The following FCRL3 variants were observed in gnomAD, a reference collection of about 807,000 sequenced individuals.
FCRL3 encodes Fc receptor-like protein 3.
In FCRL3, 89 loss-of-function variants were observed where a neutral mutation model predicts 75.0. That is an observed-to-expected ratio of 1.19 (90% CI 1.00 to 1.42). The LOEUF is 1.42. FCRL3 is among the 40% of genes most tolerant of loss of function. FCRL3 has a pLI of 0.00. For synonymous variants in FCRL3, 376 were observed against 348.5 expected, an observed-to-expected ratio of 1.08 and a Z score of -0.88; for missense variants, 946 against 880.0, an observed-to-expected ratio of 1.07 and a Z score of -0.95.
At chr1:157,681,224 T>A (rs1054642006) in intron 11 of FCRL3, 125 bp from the exon 12 acceptor site, 7 of 507,836 alleles carry the variant, frequency 1.4e-5, no homozygotes, top group African/African-American at 2.0e-5. Flanking sequence ...TGTCTGCTTC[T>A]GCTTGGGTCT....
At chr1:157,686,260 A>C (rs1655170740) in intron 10 of FCRL3, among the ~76,000 whole-genome samples, 1 of 90,220 alleles carries the variant, frequency 1.1e-5, no homozygotes, top group African/African-American at 8.8e-5. Flanking sequence ...CTCTGCGAGA[A>C]ATTAAAAAAA....
chr1:157,689,714 T>G, intron 10 of FCRL3, 84 bp downstream of exon 10: 1 of 1,566,664 alleles, frequency 6.4e-7, no homozygotes, highest in East Asian at 2.3e-5. Context: ...AGGGAATACT[T>G]GACCTTTATA....
Position 157,681,044 on chromosome 1 carries a change from G to A in FCRL3, c.1894C>T (p.Pro632Ser). The A allele has an allele frequency of 6.2e-7, 1 of 1,606,192 alleles. No individual in the cohort carries two copies. The highest frequency in any genetic ancestry group is 8.5e-7 in the Non-Finnish European group (1 of 1,177,558). The change falls in exon 12 of 15, where the codon CCT (proline) becomes TCT (serine). Residue 632 changes from proline (P) to serine (S), a missense_variant. Transcript: ENST00000368184. ...PSSSRPSRID[P>S]QEPTHSKPLA... ...GGTTTAGAGTGAGTGGGCTCTTGAG[G>A]GTCTATCCTGGAAGGCCTGGACGAG...
chr1:157,681,159 G>A, intron 11 of FCRL3, 60 bp from the exon 12 acceptor site: 1 of 1,185,322 alleles, frequency 8.4e-7, no homozygotes, highest in Middle Eastern at 2.1e-4. Flanking sequence ...AGAATTTCAG[G>A]GAAATCAATA....
Position 157,690,244 on chromosome 1 carries a change from T to G in FCRL3, c.1690+11A>C. 1 of 1,613,578 alleles carries G rather than the reference T, an allele frequency of 6.2e-7. No homozygotes were observed. The highest frequency in any genetic ancestry group is 8.5e-7 in the Non-Finnish European group (1 of 1,179,534). On this transcript the variant is annotated intron_variant, in intron 9 of 14. Transcript: ENST00000368184. Reference sequence around the variant, plus strand: ...TAACTGTGACCTCTAGCCCAGGTACTATTAACACACCTGTAACATTGAGTG... The same window carrying G: ...TAACTGTGACCTCTAGCCCAGGTACGATTAACACACCTGTAACATTGAGTG...
At chr1:157,681,971 A>G (rs2101589913) in intron 11 of FCRL3, among the ~76,000 whole-genome samples, 1 of 151,466 alleles carries the variant, frequency 6.6e-6, no homozygotes, top group South Asian at 2.1e-4. Flanking sequence ...TGTGGTTTTG[A>G]TTTGCATTTC....
Position 157,677,318 on chromosome 1 carries a change from A to C in FCRL3, c.*1392T>G. The C allele has an allele frequency of 1.0e-6, 1 of 987,752 alleles. No individual in the cohort carries two copies. The highest frequency in any genetic ancestry group is 1.2e-6 in the Non-Finnish European group (1 of 831,296). The allele number at this position is 987,752 out of a possible 1,614,324, so 61.2% of individuals were successfully genotyped here. ...AAATGGTGATTGTTTGAATGCATGT[A>C]AGACATTCCCTAGGGACTCCAAGAA... On this transcript the variant is annotated 3_prime_UTR_variant, in exon 15 of 15. Transcript: ENST00000368184.
chr1:157,681,513 A>G (rs994429666), intron 11 of FCRL3, among the ~76,000 whole-genome samples: 1 of 150,302 alleles, frequency 6.7e-6, no homozygotes, highest in African/African-American at 2.4e-5. Context: ...TGTTCTTGCG[A>G]TAGTTTGCTG....
In FCRL3 at chr1:157,699,707, C is replaced by A. The variant is rs772197794; in HGVS notation, c.37G>T (p.Gly13Ter). 1 of 1,613,436 alleles carries A rather than the reference C, an allele frequency of 6.2e-7. No individual in the cohort carries two copies. The highest frequency in any genetic ancestry group is 8.5e-7 in the Non-Finnish European group (1 of 1,179,760). Residue 13 changes from glycine to a stop codon, truncating the protein, a stop_gained, in exon 3 of 15, where the codon GGA becomes TGA. Coordinates refer to ENST00000368184, the MANE Select transcript of FCRL3 (RefSeq NM_052939.4). LOFTEE classifies it high-confidence loss of function. ...AGAAACTTACCTGATTGTTCTCTTC[C>A]AGGAGCTGTGAGGGAGCAGAAAATG... ...LWLLLLILTP[G>*]REQSGVAPKA... is the part of the protein sequence containing the mutation.
At chr1:157,692,327 C>A (rs548013207) in intron 8 of FCRL3, among the ~76,000 whole-genome samples, 2 of 152,236 alleles carry the variant, frequency 1.3e-5, no homozygotes, top group African/African-American at 4.8e-5. Context: ...AAGCCTTGAC[C>A]TCCTGGGCTC....
Position 157,689,840 on chromosome 1 carries a change from C to T in FCRL3, c.1768G>A (p.Ala590Thr), listed in dbSNP as rs1557827280. The change falls in exon 10 of 15, where the codon GCT becomes ACT. Residue 590 changes from alanine (A) to threonine (T), a missense_variant. By Grantham distance (58) the Ala-to-Thr change is moderately conservative. Coordinates refer to ENST00000368184, the MANE Select transcript of FCRL3 (RefSeq NM_052939.4). ...CTGGCGTAATGCAGCAGAGCAGCAG[C>T]AGCAGCAAGGACGAGGATGCTGAGC... is the stretch of plus-strand genomic sequence containing the variant. The part of the protein sequence containing the change: ...LVLSILVLAA[A>T]AALLHYARAR... 6.2e-7 allele frequency: 1 copy of T among 1,614,182 alleles called. No individual in the cohort carries two copies. Among genetic ancestry groups the T allele is most frequent in the Middle Eastern group, 1.6e-4 (1 of 6,062 alleles).
chr1:157,697,110 C>CT, intron 6 of FCRL3, 30 bp downstream of exon 6: 1 of 1,407,006 alleles, frequency 7.1e-7, no homozygotes, highest in South Asian at 2.0e-5. Context: ...CCAGCTCTGA[C>CT]TCTGGAAGAG....
chr1:157,699,384 T>C (rs1656165180), intron 3 of FCRL3, among the ~76,000 whole-genome samples: 1 of 152,076 alleles, frequency 6.6e-6, no homozygotes, highest in Non-Finnish European at 1.5e-5. Flanking sequence ...CAGAGGGAGA[T>C]GTACTAGAGA....
chr1:157,693,710 C>CCCTTCCTT, intron 8 of FCRL3, among the ~76,000 whole-genome samples: 1 of 149,706 alleles, frequency 6.7e-6, no homozygotes, highest in Admixed American at 6.7e-5. Flanking sequence ...CTTCCTTCCT[C>CCCTTCCTT]CCTTCCTTCC....
chr1:157,698,050 G>T, intron 4 of FCRL3, 131 bp from the exon 5 acceptor site: 1 of 1,043,898 alleles, frequency 9.6e-7, no homozygotes, highest in Non-Finnish European at 1.4e-6. Flanking sequence ...TTGCCATGTG[G>T]CCCCAAATAC....
chr1:157,685,094 T>G (rs1161115104), intron 10 of FCRL3, among the ~76,000 whole-genome samples: 1 of 152,032 alleles, frequency 6.6e-6, no homozygotes, highest in Non-Finnish European at 1.5e-5. Context: ...ACATGGATCA[T>G]GTGAAATGAT....
At chr1:157,679,299 T>G in intron 13 of FCRL3, 1 of 392,398 alleles carries the variant, frequency 2.5e-6, no homozygotes, top group South Asian at 2.5e-5. Context: ...CTTGCTCCTC[T>G]GCTCATTATA....
At chr1:157,688,418 A>G (rs1345723771) in intron 10 of FCRL3, among the ~76,000 whole-genome samples, 1 of 152,140 alleles carries the variant, frequency 6.6e-6, no homozygotes, top group Non-Finnish European at 1.5e-5. Flanking sequence ...AATAATGAGC[A>G]ATTCCAAATT....
At position 157,696,319 on chromosome 1, in the gene FCRL3, C is replaced by A. The variant is rs537235260; in HGVS notation, c.853G>T (p.Val285Leu). The A allele has an allele frequency of 7.4e-6, 12 of 1,613,986 alleles. No individual in the cohort carries two copies. The South Asian group carries it at 1.2e-4, about 16-fold the overall frequency. ...RSQIRVQRVPVSNVNLEIRPT... is the reference protein window; with the variant it reads ...RSQIRVQRVPLSNVNLEIRPT... Reference sequence around the variant, plus strand: ...CGGATCTCTAGATTCACATTAGACACAGGGACTCCTGGGGGAACACAAGAT... The same window carrying A: ...CGGATCTCTAGATTCACATTAGACAAAGGGACTCCTGGGGGAACACAAGAT... The change falls in exon 7 of 15, where the codon GTG becomes TTG. Residue 285 changes from valine to leucine, a missense_variant. Transcript: ENST00000368184.
Sources: allele counts gnomAD v4.1 joint callset (sites outside exome capture counted in the v4.1 genomes callset), GRCh38; gene constraint gnomAD v4.1.1; transcripts MANE v1.5; gene names NCBI Gene and HGNC (gene_info 2026-07-23, HGNC 2026-07-21).